The following PPP6R2 variants were observed in gnomAD, a reference collection of about 807,000 sequenced individuals.
PPP6R2 encodes serine/threonine-protein phosphatase 6 regulatory subunit 2.
PPP6R2 carries 62 observed loss-of-function variants against 100.2 expected under a neutral mutation model. The ratio of observed to expected loss-of-function variants is 0.62; its 90% CI spans 0.50 to 0.76. The LOEUF is 0.76. Ranked by LOEUF, PPP6R2 falls within the 30% of genes least tolerant of loss-of-function variation. PPP6R2 has a pLI of 0.00. For missense variants in PPP6R2, 1,142 were observed against 1,276.3 expected, an observed-to-expected ratio of 0.89 and a Z score of 1.60; for synonymous variants, 525 against 514.7, an observed-to-expected ratio of 1.02 and a Z score of -0.27.
chr22:50,432,146 G>T lies in PPP6R2; in HGVS notation c.1336-119G>T, dbSNP rs2063271910. On this transcript the variant is annotated intron_variant, in intron 11 of 23. Transcript: ENST00000612753. ...GGGCTGTGCGTGCGCAGCAGTCAGG[G>T]CCTGCAAAGTCCACACAGACGTGGC... 14 of 885,244 alleles carry T rather than the reference G, an allele frequency of 1.6e-5. No individual in the cohort carries two copies. In the South Asian group the frequency reaches 2.2e-4, roughly 14 times the overall value. 54.8% of individuals were successfully genotyped at this position (885,244 alleles called of 1,614,324 possible). A position where few individuals can be genotyped will look rare whatever the true frequency, so the allele number is the denominator to read the frequency against.
At chr22:50,374,882 C>G (rs2051102028) in intron 2 of PPP6R2, among the ~76,000 whole-genome samples, 1 of 142,468 alleles carries the variant, frequency 7.0e-6, no homozygotes, top group South Asian at 2.3e-4. Context: ...CTACTGCGCT[C>G]CAGCCTGGGC....
At chr22:50,417,045 G>A (rs983150928) in intron 6 of PPP6R2, among the ~76,000 whole-genome samples, 1 of 152,010 alleles carries the variant, frequency 6.6e-6, no homozygotes, top group Admixed American at 6.6e-5. Flanking sequence ...AGTTGCTTAT[G>A]GCAAGTATTT....
intron 1 of PPP6R2, among the ~76,000 whole-genome samples, chr22:50,355,841 GAAA>G (rs201199718): frequency 1.0e-4 from 13 of 126,458 alleles, no homozygotes; most frequent in Non-Finnish European, 1.8e-4. Context: ...CTTTAAAATG[GAAA>G]AAAAAAAACC....
intron 1 of PPP6R2, among the ~76,000 whole-genome samples, chr22:50,349,738 C>T (rs2044589348): frequency 6.7e-6 from 1 of 149,462 alleles, no homozygotes; most frequent in Admixed American, 6.7e-5. Flanking sequence ...TTGCTTGAAC[C>T]CGGGAAGCGG....
intron 1 of PPP6R2, among the ~76,000 whole-genome samples, chr22:50,351,597 G>A (rs1371660142): frequency 6.6e-6 from 1 of 151,818 alleles, no homozygotes; most frequent in Non-Finnish European, 1.5e-5. Flanking sequence ...CAGATCTAGC[G>A]ACAACTTCTA....
chr22:50,338,584 T>A (rs1321177322), upstream of PPP6R2, among the ~76,000 whole-genome samples: 1 of 139,282 alleles, frequency 7.2e-6, no homozygotes, highest in African/African-American at 2.8e-5. Context: ...GTGTGGTGTG[T>A]GTTTGTGGTG....
intron 1 of PPP6R2, among the ~76,000 whole-genome samples, chr22:50,349,832 G>C (rs1403948926): frequency 7.1e-6 from 1 of 140,774 alleles, no homozygotes; most frequent in African/African-American, 2.7e-5. Context: ...AAAAAAAACA[G>C]AAAAAAGCAG....
intron 3 of PPP6R2, among the ~76,000 whole-genome samples, chr22:50,399,421 A>C (rs984104148): frequency 1.3e-5 from 2 of 152,258 alleles, no homozygotes; most frequent in African/African-American, 4.8e-5. Flanking sequence ...TATACAGAGC[A>C]GCACCTGTGC....
chr22:50,375,596 T>C (rs1045184200), intron 2 of PPP6R2, among the ~76,000 whole-genome samples: 1 of 152,096 alleles, frequency 6.6e-6, no homozygotes, highest in Non-Finnish European at 1.5e-5. Flanking sequence ...CATCTGGTTG[T>C]CTTTTTACTA....
chr22:50,437,144 C>T lies in PPP6R2; in HGVS notation c.1683+76C>T, dbSNP rs530325079. The stretch of plus-strand genomic sequence containing the variant: ...TGTGCGCTGCGCTTGGTCCTCCAGA[C>T]GAGTCTGATGGCATCTCACTAGCAA... On this transcript the variant is annotated intron_variant, in intron 15 of 23. Transcript: ENST00000612753. 3.6e-4 allele frequency: 490 copies of T among 1,365,250 alleles called. 1 individual carries two copies. The highest frequency in any genetic ancestry group is 1.8e-4 in the Admixed American group (9 of 50,698). The allele number at this position is 1,365,250 out of a possible 1,614,324, so 84.6% of individuals were successfully genotyped here.
intron 2 of PPP6R2, among the ~76,000 whole-genome samples, chr22:50,374,459 G>A (rs564436812): frequency 6.6e-6 from 1 of 152,328 alleles, no homozygotes; most frequent in East Asian, 1.9e-4. Context: ...AGAGATCAGT[G>A]ATGGTAGTAA....
intron 1 of PPP6R2, among the ~76,000 whole-genome samples, chr22:50,362,116 A>G (rs971836248): frequency 6.6e-6 from 1 of 152,152 alleles, no homozygotes; most frequent in Admixed American, 6.5e-5. Flanking sequence ...GAGGGTCTGC[A>G]TTGGGCTCCA....
In PPP6R2 at chr22:50,425,716, G is replaced by A. The variant is rs187196199; in HGVS notation, c.1125+2102G>A. Among the ~76,000 whole-genome samples, 629 of 151,580 alleles carry A rather than the reference G, an allele frequency of 4.1e-3. 3 individuals carry two copies. The highest frequency in any genetic ancestry group is 6.8e-3 in the Middle Eastern group (2 of 294). On this transcript the variant is annotated intron_variant, in intron 10 of 23. Transcript: ENST00000612753. ...TCATCTGATGTGCGTGTGGAACGGTGTCTCCGTGTGGCTGATGCTCGTCAT... is the reference window on the plus strand; with the variant it reads ...TCATCTGATGTGCGTGTGGAACGGTATCTCCGTGTGGCTGATGCTCGTCAT...
At chr22:50,415,620 C>T (rs1382277510) in intron 5 of PPP6R2, among the ~76,000 whole-genome samples, 1 of 152,266 alleles carries the variant, frequency 6.6e-6, no homozygotes, top group Non-Finnish European at 1.5e-5. Flanking sequence ...CGGCCCAGGC[C>T]TGCCAGACCC....
chr22:50,394,624 A>AT (rs927918954), intron 3 of PPP6R2, among the ~76,000 whole-genome samples: 1 of 136,450 alleles, frequency 7.3e-6, no homozygotes, highest in African/African-American at 2.6e-5. Flanking sequence ...AAAAAAAAAA[A>AT]GGCCGGGCAC....
At chr22:50,398,296 C>T (rs1203972042) in intron 3 of PPP6R2, among the ~76,000 whole-genome samples, 1 of 151,142 alleles carries the variant, frequency 6.6e-6, no homozygotes, top group East Asian at 1.9e-4. Context: ...CTCAGGCTCC[C>T]GAGTTGCTGG....
intron 2 of PPP6R2, among the ~76,000 whole-genome samples, chr22:50,392,756 T>C (rs2055896070): frequency 6.6e-6 from 1 of 152,082 alleles, no homozygotes; most frequent in Non-Finnish European, 1.5e-5. Flanking sequence ...TGTGTAGACA[T>C]CAAGTGAGTT....
chr22:50,373,741 T>G (rs545602829), intron 2 of PPP6R2, among the ~76,000 whole-genome samples: 12 of 147,528 alleles, frequency 8.1e-5, no homozygotes, highest in Admixed American at 4.7e-4. Context: ...TTTTTATGTG[T>G]TTTTTTTTGT....
chr22:50,440,380 G>A (rs1002804382), intron 21 of PPP6R2, among the ~76,000 whole-genome samples: 2 of 152,218 alleles, frequency 1.3e-5, no homozygotes, highest in Admixed American at 1.3e-4. Flanking sequence ...GCAGGAAGCT[G>A]TTCTGTGGCC....
Sources: allele counts gnomAD v4.1 joint callset (sites outside exome capture counted in the v4.1 genomes callset), GRCh38; gene constraint gnomAD v4.1.1; transcripts MANE v1.5; gene names NCBI Gene and HGNC (gene_info 2026-07-23, HGNC 2026-07-21).